Variants in MEGF6 observed in about 807,000 individuals in gnomAD.
MEGF6 encodes multiple epidermal growth factor-like domains protein 6.
MEGF6 carries 184 observed loss-of-function variants against 207.1 expected under a neutral mutation model. That is an observed-to-expected ratio of 0.89 (90% CI 0.79 to 1.00). The LOEUF is 1.00. Among genes scored for constraint, MEGF6 ranks in the 50% least tolerant of loss-of-function variants. MEGF6 has a pLI of 0.00. For missense variants in MEGF6, 2,282 were observed against 2,202.9 expected, an observed-to-expected ratio of 1.04 and a Z score of -0.72; for synonymous variants, 1,038 against 910.0, an observed-to-expected ratio of 1.14 and a Z score of -2.53.
intron 6 of MEGF6, 21 bp from the exon 7 acceptor site, chr1:3,514,693 AG>A (rs1310140749): frequency 2.6e-6 from 4 of 1,535,482 alleles, no homozygotes; most frequent in Admixed American, 1.8e-5. Flanking sequence ...GGGCCCGAGG[AG>A]GGGGTTGGGG....
chr1:3,610,949 C>A (rs1644316734), intron 1 of MEGF6, among the ~76,000 whole-genome samples, 189 bp downstream of exon 1: 1 of 152,256 alleles, frequency 6.6e-6, no homozygotes, highest in South Asian at 2.1e-4. Context: ...GCGAGGGGCC[C>A]TGCCACAGAA....
intron 4 of MEGF6, among the ~76,000 whole-genome samples, chr1:3,569,626 G>A (rs1375774384): frequency 6.6e-6 from 1 of 152,224 alleles, no homozygotes; most frequent in Non-Finnish European, 1.5e-5. Flanking sequence ...CGGGGTCTCC[G>A]GCCTGGGGCA....
intron 4 of MEGF6, among the ~76,000 whole-genome samples, chr1:3,533,631 G>T (rs543749540): frequency 6.6e-6 from 1 of 152,344 alleles, no homozygotes; most frequent in Admixed American, 6.5e-5. Flanking sequence ...GGCACGGGCT[G>T]CGGAGGCAGC....
chr1:3,525,779 A>G (rs1570053515), intron 4 of MEGF6, among the ~76,000 whole-genome samples: 1 of 152,108 alleles, frequency 6.6e-6, no homozygotes, highest in East Asian at 1.9e-4. Flanking sequence ...GCCCATCACC[A>G]CCCTCTGCAG....
chr1:3,583,107 G>A (rs1469316581), intron 3 of MEGF6, among the ~76,000 whole-genome samples: 1 of 152,204 alleles, frequency 6.6e-6, no homozygotes, highest in South Asian at 2.1e-4. Context: ...GGGGACGGAG[G>A]AGGAGGGCTA....
Position 3,523,465 on chromosome 1 carries a change from C to G in MEGF6, c.604+659G>C, listed in dbSNP as rs191704897. Among the ~76,000 whole-genome samples the G allele has an allele frequency of 2.0e-5, 3 of 152,216 alleles. No individual in the cohort carries two copies. In the East Asian group the frequency reaches 5.8e-4, roughly 30 times the overall value. On this transcript the variant is annotated intron_variant, in intron 5 of 36. Transcript: ENST00000356575. Reference sequence around the variant, plus strand: ...TCCCTGCGGCCACAGTCCGTGTCCGCGACACCTCCTCCAGCCCATTCCAAT... The same window carrying G: ...TCCCTGCGGCCACAGTCCGTGTCCGGGACACCTCCTCCAGCCCATTCCAAT...
intron 3 of MEGF6, among the ~76,000 whole-genome samples, chr1:3,593,414 C>G (rs564975292): frequency 2.3e-4 from 35 of 152,096 alleles, no homozygotes; most frequent in African/African-American, 6.7e-4. Flanking sequence ...GTTGCCTTCC[C>G]CGCCCGGGCT....
chr1:3,490,582 T>C lies in MEGF6; in HGVS notation c.4572A>G (p.Thr1524=), dbSNP rs763394405. ...NPSLAQGSAG[T]LPASSRPTSR... ...ATGTGGGTCTGCTGGAGGCGGGCAG[T>C]GTGCCCGCTGGGGAAAAGGAGAAAA... Residue 1524 remains threonine, a synonymous_variant, in exon 37 of 37, where the codon ACA becomes ACG. Coordinates refer to ENST00000356575, the MANE Select transcript of MEGF6 (RefSeq NM_001409.4). 4.3e-6 allele frequency: 7 copies of C among 1,613,180 alleles called. No individual in the cohort carries two copies. The Admixed American group carries it at 1.2e-4, about 27-fold the overall frequency.
intron 4 of MEGF6, among the ~76,000 whole-genome samples, chr1:3,541,929 C>T (rs1409313405): frequency 2.0e-5 from 3 of 152,212 alleles, no homozygotes; most frequent in Admixed American, 6.5e-5. Context: ...AGCCCACCCG[C>T]GTCCCACAGA....
chr1:3,606,153 G>A (rs536346296), intron 1 of MEGF6, among the ~76,000 whole-genome samples: 2 of 152,292 alleles, frequency 1.3e-5, no homozygotes, highest in Admixed American at 6.5e-5. Context: ...ACCAACCATC[G>A]GGCTCTAGGG....
chr1:3,552,609 G>A (rs781306803), intron 4 of MEGF6, among the ~76,000 whole-genome samples: 14 of 152,244 alleles, frequency 9.2e-5, no homozygotes, highest in Non-Finnish European at 1.9e-4. Context: ...CAGGAGGATC[G>A]ACGGCCTGAG....
intron 4 of MEGF6, among the ~76,000 whole-genome samples, chr1:3,552,215 G>A (rs1028586291): frequency 6.6e-6 from 1 of 152,240 alleles, no homozygotes; most frequent in African/African-American, 2.4e-5. Flanking sequence ...CCACAGAGGA[G>A]CCTTAGCACT....
chr1:3,586,183 A>G (rs1462752127), intron 3 of MEGF6, among the ~76,000 whole-genome samples: 1 of 137,306 alleles, frequency 7.3e-6, no homozygotes, highest in Non-Finnish European at 1.6e-5. Context: ...TGTGGGTGTG[A>G]GTGTGGACAC....
the MEGF6 span, among the ~76,000 whole-genome samples, chr1:3,622,747 C>T: frequency 6.6e-6 from 1 of 152,210 alleles, no homozygotes; most frequent in Non-Finnish European, 1.5e-5. Context: ...TGATTTTGCA[C>T]TTCTGGCCTC....
the MEGF6 span, among the ~76,000 whole-genome samples, chr1:3,619,925 C>G: frequency 6.6e-6 from 1 of 152,166 alleles, no homozygotes; most frequent in African/African-American, 2.4e-5. Flanking sequence ...TTCCTAGAGA[C>G]TTGTTGAATG....
chr1:3,605,228 C>T (rs952682433), intron 1 of MEGF6, among the ~76,000 whole-genome samples: 5 of 151,576 alleles, frequency 3.3e-5, no homozygotes, highest in East Asian at 1.9e-4. Context: ...TACATGGACT[C>T]GAACACAATC....
chr1:3,604,968 C>T (rs1343075781), intron 1 of MEGF6, among the ~76,000 whole-genome samples: 5 of 152,216 alleles, frequency 3.3e-5, no homozygotes, highest in Non-Finnish European at 5.9e-5. Context: ...TCACAGCCCC[C>T]AGGGCCACTG....
chr1:3,589,518 C>G (rs1032419931), intron 3 of MEGF6, among the ~76,000 whole-genome samples: 5 of 152,204 alleles, frequency 3.3e-5, no homozygotes, highest in Non-Finnish European at 5.9e-5. Context: ...GACAGAGGAG[C>G]CTTCCTGGAC....
rs992721506 is a variant in MEGF6, at chr1:3,555,136, G to A, written c.481+24689C>T. Among the ~76,000 whole-genome samples the A allele has an allele frequency of 3.3e-5, 5 of 152,334 alleles. No individual in the cohort carries two copies. The East Asian group carries it at 9.7e-4, about 29-fold the overall frequency. On this transcript the variant is annotated intron_variant, in intron 4 of 36. Coordinates refer to ENST00000356575, the MANE Select transcript of MEGF6 (RefSeq NM_001409.4). ...CCCCACGCACGGGGCCTGCTGGCCGGAGAGAAGCACAGGTGGTCCCCACCA... is the reference window on the plus strand; with the variant it reads ...CCCCACGCACGGGGCCTGCTGGCCGAAGAGAAGCACAGGTGGTCCCCACCA...
Sources: allele counts gnomAD v4.1 joint callset (sites outside exome capture counted in the v4.1 genomes callset), GRCh38; gene constraint gnomAD v4.1.1; transcripts MANE v1.5; gene names NCBI Gene and HGNC (gene_info 2026-07-23, HGNC 2026-07-21).